NFATC2IP: variants seen among roughly 807,000 people sequenced by gnomAD.
NFATC2IP encodes nuclear factor of activated T cells 2 interacting protein.
NFATC2IP carries 25 observed loss-of-function variants against 40.2 expected under a neutral mutation model. The ratio of observed to expected loss-of-function variants is 0.62; its 90% CI spans 0.45 to 0.87. The LOEUF (loss-of-function observed/expected upper bound fraction) is 0.87. Among genes scored for constraint, NFATC2IP ranks in the 40% least tolerant of loss-of-function variants. NFATC2IP has a pLI of 0.00. For missense variants in NFATC2IP, 553 were observed against 555.6 expected (o/e 1.00, Z 0.05); for synonymous variants, 241 against 236.3 (o/e 1.02, Z -0.18).
chr16:28,954,695 A>G lies in NFATC2IP; in HGVS notation c.578+13A>G. 1 of 1,570,258 alleles carries G rather than the reference A, an allele frequency of 6.4e-7. No homozygotes were observed. The highest frequency in any genetic ancestry group is 8.8e-7 in the Non-Finnish European group (1 of 1,141,680). ...AGACAGAGTTTCTGTGAGTGAGGCC[A>G]GGGCCCTTGGGCCCTGGGAGCAGGA... On this transcript the variant is annotated intron_variant, in intron 3 of 7. Transcript: ENST00000320805.
chr16:28,950,995 G>A lies in NFATC2IP; in HGVS notation c.-17G>A. 1 of 1,486,426 alleles carries A rather than the reference G, an allele frequency of 6.7e-7. No individual in the cohort carries two copies. Among genetic ancestry groups the A allele is most frequent in the Non-Finnish European group, 8.9e-7 (1 of 1,123,908 alleles). The allele number at this position is 1,486,426 out of a possible 1,614,324, so 92.1% of individuals were successfully genotyped here. Reference sequence around the variant, plus strand: ...AGGCGAGAGGAGGCGGGCGTGTGTTGTGGAGGAAAGTGTGCCATGGCGGAG... The same window carrying A: ...AGGCGAGAGGAGGCGGGCGTGTGTTATGGAGGAAAGTGTGCCATGGCGGAG... On this transcript the variant is annotated 5_prime_UTR_variant, in exon 1 of 8. The change creates a new upstream start codon in the 5' untranslated region. Coordinates refer to ENST00000320805, the MANE Select transcript of NFATC2IP (RefSeq NM_032815.4).
rs1965016627 is a variant in NFATC2IP at position 28,955,970 on chromosome 16, T to A, written c.579-8T>A. On this transcript the variant is annotated splice_region_variant and splice_polypyrimidine_tract_variant and intron_variant, in intron 3 of 7. Transcript: ENST00000320805. ...TTGCCTCCGTCCTGCTGTCTCTTGC[T>A]TCTACAGGGATCTGGACAACTCTCC... The A allele has an allele frequency of 6.2e-6, 10 of 1,611,066 alleles. No individual in the cohort carries two copies. The highest frequency in any genetic ancestry group is 8.5e-6 in the Non-Finnish European group (10 of 1,177,276).
rs745457243 is a variant in NFATC2IP at position 28,951,319 on chromosome 16, C to G, written c.308C>G (p.Pro103Arg). The change falls in exon 1 of 8, where the codon CCG becomes CGG. Residue 103 changes from proline to arginine, a missense_variant. Coordinates refer to ENST00000320805, the MANE Select transcript of NFATC2IP (RefSeq NM_032815.4). ...GAGGACAGGCGGCCCGCAGGACCCCCGCGGGAGCCGGTCAGGCGGCGGCGG... is the reference window on the plus strand; with the variant it reads ...GAGGACAGGCGGCCCGCAGGACCCCGGCGGGAGCCGGTCAGGCGGCGGCGG... ...EGEDRRPAGP[P>R]REPVRRRRRL... 1.3e-5 allele frequency: 18 copies of G among 1,403,006 alleles called. No individual in the cohort carries two copies. The South Asian group carries it at 2.7e-4, about 21-fold the overall frequency. The allele number at this position is 1,403,006 out of a possible 1,614,324, so 86.9% of individuals were successfully genotyped here. A position where few individuals can be genotyped will look rare whatever the true frequency, so the allele number is the denominator to read the frequency against.
At chr16:28,952,581 A>G (rs530408911) in intron 2 of NFATC2IP, 1 of 241,658 alleles carries the variant, frequency 4.1e-6, no homozygotes, top group East Asian at 1.2e-4. Flanking sequence ...CATTTTTTGC[A>G]AACAACTCAA....
In NFATC2IP at chr16:28,951,473, G is replaced by C. The variant is rs932181355; in HGVS notation, c.387+75G>C. The C allele has an allele frequency of 1.3e-5, 17 of 1,338,458 alleles. No homozygotes were observed. The East Asian group carries it at 5.0e-4, about 40-fold the overall frequency. 82.9% of individuals were successfully genotyped at this position (1,338,458 alleles called of 1,614,324 possible). The stretch of plus-strand genomic sequence containing the variant: ...CTCCAGGGAGGGGCCGGCGTTCGGG[G>C]AGGGTAGGGCTATAGGGGTGTTGAG... On this transcript the variant is annotated intron_variant, in intron 1 of 7. Coordinates refer to ENST00000320805, the MANE Select transcript of NFATC2IP (RefSeq NM_032815.4).
At chr16:28,957,516 A>G (rs1567513370) in intron 5 of NFATC2IP, 2 of 151,754 alleles carry the variant, frequency 1.3e-5, no homozygotes, top group Admixed American at 6.6e-5. Context: ...GGTGGCACAT[A>G]CCTGTAGTCC....
chr16:28,951,634 G>A (rs1177946807), intron 1 of NFATC2IP, among the ~76,000 whole-genome samples: 2 of 152,112 alleles, frequency 1.3e-5, no homozygotes, highest in Admixed American at 6.6e-5. Context: ...AGGAGCTAGA[G>A]TCTTGGGGGC....
chr16:28,956,527 G>A (rs1965024231), intron 5 of NFATC2IP, 190 bp downstream of exon 5: 3 of 573,130 alleles, frequency 5.2e-6, no homozygotes, highest in African/African-American at 3.8e-5. Context: ...TTTTCCCAAC[G>A]CTCCCCTCTC....
chr16:28,961,930 GTC>G (rs1965092658), intron 7 of NFATC2IP, among the ~76,000 whole-genome samples: 1 of 147,106 alleles, frequency 6.8e-6, no homozygotes, highest in African/African-American at 2.5e-5. Flanking sequence ...AAAAGACAGG[GTC>G]TTGCTCTGTT....
intron 7 of NFATC2IP, among the ~76,000 whole-genome samples, chr16:28,963,059 G>A (rs1965105025): frequency 6.6e-6 from 1 of 152,208 alleles, no homozygotes. Context: ...GCCTGTGCCT[G>A]TAGTTGCAGC....
At chr16:28,958,400 C>A in intron 5 of NFATC2IP, 1 of 235,424 alleles carries the variant, frequency 4.2e-6, no homozygotes, top group Non-Finnish European at 8.2e-6. Context: ...CATACTGGCC[C>A]ACGTTCCCAC....
chr16:28,961,324 T>TG lies in NFATC2IP; in HGVS notation c.1101+2225dup, dbSNP rs1161301803. Reference sequence around the variant, plus strand: ...GCCTGGGAGACAGCAAGACCCTATCTGAAAAAAAAAAAAAAAAAAAAAAAA... The same window carrying TG: ...GCCTGGGAGACAGCAAGACCCTATCTGGAAAAAAAAAAAAAAAAAAAAAAAA... On this transcript the variant is annotated intron_variant, in intron 7 of 7. Coordinates refer to ENST00000320805, the MANE Select transcript of NFATC2IP (RefSeq NM_032815.4). 6.5e-3 allele frequency among the ~76,000 whole-genome samples: 424 copies of TG among 64,734 alleles called. 2 individuals are homozygous for TG. Among genetic ancestry groups the TG allele is most frequent in the African/African-American group, 0.034 (398 of 11,742 alleles). The allele number at this position is 64,734 out of a possible 152,430, so 42.5% of individuals were successfully genotyped here.
intron 1 of NFATC2IP, 87 bp downstream of exon 1, chr16:28,951,485 A>G (rs1964967149): frequency 6.3e-6 from 8 of 1,261,920 alleles, no homozygotes; most frequent in South Asian, 2.3e-5. Flanking sequence ...GGGTAGGGCT[A>G]TAGGGGTGTT....
At chr16:28,960,024 T>A (rs910326636) in intron 7 of NFATC2IP, among the ~76,000 whole-genome samples, 1 of 152,174 alleles carries the variant, frequency 6.6e-6, no homozygotes, top group Non-Finnish European at 1.5e-5. Context: ...GTGGAAACCT[T>A]CCTTACCTCT....
Position 28,958,752 on chromosome 16 carries a change from C to A in NFATC2IP, c.882C>A (p.Ala294=). 1 of 1,613,810 alleles carries A rather than the reference C, an allele frequency of 6.2e-7. No homozygotes were observed. The highest frequency in any genetic ancestry group is 8.5e-7 in the Non-Finnish European group (1 of 1,179,758). Residue 294 remains alanine (A), a synonymous_variant, in exon 6 of 8, where the codon GCC becomes GCA. Coordinates refer to ENST00000320805, the MANE Select transcript of NFATC2IP (RefSeq NM_032815.4). ...EPLQSVVDHM[A]THLGVSPSRI... is the part of the protein sequence containing the mutation. ...TGCAGAGTGTGGTGGACCACATGGCCACCCACCTTGGGGTGTCCCCAAGCA... is the reference window on the plus strand; with the variant it reads ...TGCAGAGTGTGGTGGACCACATGGCAACCCACCTTGGGGTGTCCCCAAGCA...
chr16:28,951,026 G>A lies in NFATC2IP; in HGVS notation c.15G>A (p.Val5=). 6.6e-7 allele frequency: 1 copy of A among 1,525,242 alleles called. No individual in the cohort carries two copies. The highest frequency in any genetic ancestry group is 8.8e-7 in the Non-Finnish European group (1 of 1,139,076). The allele number at this position is 1,525,242 out of a possible 1,614,324, so 94.5% of individuals were successfully genotyped here. A position where few individuals can be genotyped will look rare whatever the true frequency, so the allele number is the denominator to read the frequency against. ...GAAAGTGTGCCATGGCGGAGCCTGT[G>A]GGGAAGCGGGGCCGCTGGTCCGGAG... MAEP[V]GKRGRWSGGS... The change falls in exon 1 of 8, where the codon GTG becomes GTA. Residue 5 remains valine, a synonymous_variant. Transcript: ENST00000320805.
At chr16:28,959,187 C>T in intron 7 of NFATC2IP, 87 bp downstream of exon 7, 1 of 830,040 alleles carries the variant, frequency 1.2e-6, no homozygotes, top group Non-Finnish European at 2.0e-6. Context: ...GGATGGATTC[C>T]CCTAATCTTG....
chr16:28,955,986 A>G lies in NFATC2IP; in HGVS notation c.587A>G (p.Asp196Gly). 1 of 1,613,798 alleles carries G rather than the reference A, an allele frequency of 6.2e-7. No homozygotes were observed. Among genetic ancestry groups the G allele is most frequent in the Non-Finnish European group, 8.5e-7 (1 of 1,179,744 alleles). The change falls in exon 4 of 8, where the codon GAC becomes GGC. Residue 196 changes from aspartate (D) to glycine (G), a missense_variant. Transcript: ENST00000320805. Reference protein sequence around the residue: ...EKKKTEFLDLDNSPLSPPSPR... With the variant: ...EKKKTEFLDLGNSPLSPPSPR... The stretch of plus-strand genomic sequence containing the variant: ...GTCTCTTGCTTCTACAGGGATCTGG[A>G]CAACTCTCCTCTGTCCCCACCTTCA...
chr16:28,958,934 C>T (rs544864558), intron 6 of NFATC2IP, 57 bp from the exon 7 acceptor site: 37 of 1,603,108 alleles, frequency 2.3e-5, no homozygotes, highest in African/African-American at 8.0e-5. Flanking sequence ...AGGTTCAGCA[C>T]GGGCCCTGCT....
Sources: allele counts gnomAD v4.1 joint callset (sites outside exome capture counted in the v4.1 genomes callset), GRCh38; gene constraint gnomAD v4.1.1; transcripts MANE v1.5; gene names NCBI Gene and HGNC (gene_info 2026-07-23, HGNC 2026-07-21).